The following NOS2 variants were observed in gnomAD, a reference collection of about 807,000 sequenced individuals.
NOS2 encodes the protein nitric oxide synthase, inducible.
Under a neutral mutation model 136.0 loss-of-function variants are expected in NOS2, and 96 were observed. The ratio of observed to expected loss-of-function variants is 0.71; its 90% CI spans 0.60 to 0.84. NOS2 has a LOEUF of 0.84. Among genes scored for constraint, NOS2 ranks in the 40% least tolerant of loss-of-function variants. NOS2 has a pLI of 0.00. For missense variants in NOS2, 1,237 were observed against 1,496.9 expected (o/e 0.83, Z 2.87); for synonymous variants, 539 against 587.5 (o/e 0.92, Z 1.20).
intron 7 of NOS2, 128 bp from the exon 8 acceptor site, chr17:27,781,305 G>T: frequency 9.3e-7 from 1 of 1,078,246 alleles, no homozygotes; most frequent in Non-Finnish European, 1.3e-6. Context: ...GACTGAGCCA[G>T]CCTCCTGACA....
At chr17:27,769,286 G>T (rs1343254698) in intron 16 of NOS2, 135 bp from the exon 17 acceptor site, 1 of 927,330 alleles carries the variant, frequency 1.1e-6, no homozygotes, top group African/African-American at 1.7e-5. Context: ...ACCCCCTTCT[G>T]GTCCTCTCCA....
At chr17:27,769,706 G>A in intron 15 of NOS2, 122 bp from the exon 16 acceptor site, 1 of 839,972 alleles carries the variant, frequency 1.2e-6, no homozygotes, top group East Asian at 2.5e-5. Context: ...CACGGAAGTT[G>A]GTTTACATAT....
chr17:27,793,563 G>C, intron 2 of NOS2: 1 of 397,348 alleles, frequency 2.5e-6, no homozygotes, highest in Non-Finnish European at 4.4e-6. Flanking sequence ...TTCCCTCCCA[G>C]GGCGGACTTC....
intron 2 of NOS2, among the ~76,000 whole-genome samples, chr17:27,797,026 C>A (rs1171586865): frequency 6.6e-6 from 1 of 152,208 alleles, no homozygotes; most frequent in African/African-American, 2.4e-5. Flanking sequence ...ATCTCCTACC[C>A]TGCATTCAAG....
At chr17:27,788,678 T>C (rs1909097275) in intron 4 of NOS2, 131 bp downstream of exon 4, 3 of 1,109,760 alleles carry the variant, frequency 2.7e-6, no homozygotes, top group Admixed American at 2.5e-5. Flanking sequence ...GGAATGTCTC[T>C]GTTCCTAGAC....
In NOS2 at chr17:27,764,063, G is replaced by T; in HGVS notation, c.2510C>A (p.Pro837His). Residue 837 changes from proline (P) to histidine (H), a missense_variant, in exon 21 of 27, where the codon CCC (proline) becomes CAC (histidine). By Grantham distance (77) the Pro-to-His change is moderately conservative. Around this residue, in one of 3 missense-constraint regions of NOS2, gnomAD observed 782 missense variants for 909.9 expected, o/e 0.86. Coordinates refer to ENST00000313735, the MANE Select transcript of NOS2 (RefSeq NM_000625.4). ...CTTTTGGAGCAGCAGCTGGGTTGGG[G>T]GTGTGGTGATGTCCAGGAAGTAGGT... ...ALTYFLDITT[P>H]PTQLLLQKLA... is the part of the protein sequence containing the mutation. The T allele has an allele frequency of 6.2e-7, 1 of 1,612,998 alleles. No individual in the cohort carries two copies. The highest frequency in any genetic ancestry group is 8.5e-7 in the Non-Finnish European group (1 of 1,179,510).
chr17:27,798,802 C>A lies in NOS2; in HGVS notation c.8G>T (p.Cys3Phe). 2 of 1,605,396 alleles carry A rather than the reference C, an allele frequency of 1.2e-6. No homozygotes were observed. Among genetic ancestry groups the A allele is most frequent in the Non-Finnish European group, 1.7e-6 (2 of 1,172,020 alleles). MA[C>F]PWKFLFKTKF... ...GGTCTTGAACAGAAATTTCCAAGGACAGGCCATCTCTATGGCTTTACAAAG... is the reference window on the plus strand; with the variant it reads ...GGTCTTGAACAGAAATTTCCAAGGAAAGGCCATCTCTATGGCTTTACAAAG... The change falls in exon 2 of 27, where the codon TGT becomes TTT. Residue 3 changes from cysteine (C) to phenylalanine (F), a missense_variant. Physicochemically the swap from Cys to Phe is radical, Grantham distance 205 (BLOSUM62 -2). Coordinates refer to ENST00000313735, the MANE Select transcript of NOS2 (RefSeq NM_000625.4).
intron 19 of NOS2, among the ~76,000 whole-genome samples, chr17:27,765,979 C>A (rs184241646): frequency 1.3e-5 from 2 of 152,332 alleles, no homozygotes; most frequent in East Asian, 3.9e-4. Context: ...TTGGCTACAG[C>A]CTCTGCCTAA....
rs377680960 is a variant in NOS2 at position 27,769,636 on chromosome 17, T to C, written c.1810-52A>G. 7 of 1,480,876 alleles carry C rather than the reference T, an allele frequency of 4.7e-6. No individual in the cohort carries two copies. The African/African-American group carries it at 9.7e-5, about 20-fold the overall frequency. The allele number at this position is 1,480,876 out of a possible 1,614,324, so 91.7% of individuals were successfully genotyped here. On this transcript the variant is annotated intron_variant, in intron 15 of 26. Coordinates refer to ENST00000313735, the MANE Select transcript of NOS2 (RefSeq NM_000625.4). ...CTCAAGCCAGGATGAATAAAAACAC[T>C]GTTTTTTCCTTTCTTCTGGAAACCT...
intron 17 of NOS2, among the ~76,000 whole-genome samples, 174 bp downstream of exon 17, chr17:27,768,803 G>A (rs1908394656): frequency 6.6e-6 from 1 of 152,214 alleles, no homozygotes; most frequent in South Asian, 2.1e-4. Context: ...GGGGGCTGAG[G>A]GAGAGCAGCA....
In NOS2 at chr17:27,781,022, G is replaced by A. The variant is rs1217720375; in HGVS notation, c.864+14C>T. The A allele has an allele frequency of 6.2e-7, 1 of 1,611,310 alleles. No individual in the cohort carries two copies. The highest frequency in any genetic ancestry group is 1.1e-5 in the South Asian group (1 of 90,824). On this transcript the variant is annotated intron_variant, in intron 8 of 26. Coordinates refer to ENST00000313735, the MANE Select transcript of NOS2 (RefSeq NM_000625.4). ...CCCGCCCCAATGGCCGGTGGCTGAG[G>A]CTGGGCCGGGTACCTGAGTGAATTC...
Position 27,765,734 on chromosome 17 carries a change from A to T in NOS2, c.2247-18T>A. The stretch of plus-strand genomic sequence containing the variant: ...TGGCACGGCTGGGGAAGGAAAATGA[A>T]GCCTCAGGTGACATTGCAGGATTTC... On this transcript the variant is annotated intron_variant, in intron 19 of 26. Transcript: ENST00000313735. 6.3e-7 allele frequency: 1 copy of T among 1,587,582 alleles called. No individual in the cohort carries two copies. Among genetic ancestry groups the T allele is most frequent in the South Asian group, 1.2e-5 (1 of 86,558 alleles).
chr17:27,760,548 TG>T (rs1336903103), intron 24 of NOS2, 74 bp downstream of exon 24: 1 of 1,542,782 alleles, frequency 6.5e-7, no homozygotes, highest in Admixed American at 2.0e-5. Context: ...GAACCGTTTG[TG>T]GGGCTGCAGT....
chr17:27,773,707 A>G (rs187114992), intron 12 of NOS2, among the ~76,000 whole-genome samples: 1 of 152,264 alleles, frequency 6.6e-6, no homozygotes, highest in Admixed American at 6.5e-5. Flanking sequence ...CTTAAAATCC[A>G]ACCCAAGTCC....
intron 16 of NOS2, among the ~76,000 whole-genome samples, 154 bp from the exon 17 acceptor site, chr17:27,769,305 C>T (rs1324041420): frequency 6.6e-6 from 1 of 152,134 alleles, no homozygotes; most frequent in Non-Finnish European, 1.5e-5. Flanking sequence ...CATCCCCCAG[C>T]CTTGTCACCA....
intron 22 of NOS2, 138 bp downstream of exon 22, chr17:27,762,660 C>T: frequency 1.5e-6 from 1 of 653,180 alleles, no homozygotes; most frequent in Non-Finnish European, 2.6e-6. Flanking sequence ...CCACACACCT[C>T]CTAATACTGT....
chr17:27,765,061 C>T (rs1359382989), intron 20 of NOS2, among the ~76,000 whole-genome samples: 1 of 152,230 alleles, frequency 6.6e-6, no homozygotes, highest in Non-Finnish European at 1.5e-5. Context: ...TCACTGCAAC[C>T]TCCACCTCCT....
chr17:27,760,566 C>G, intron 24 of NOS2, 57 bp downstream of exon 24: 3 of 1,550,178 alleles, frequency 1.9e-6, no homozygotes, highest in Non-Finnish European at 2.6e-6. Context: ...CAGTTCTGCT[C>G]CTAGGCAGGC....
chr17:27,771,400 G>A (rs1169295402), intron 14 of NOS2, among the ~76,000 whole-genome samples: 5 of 152,240 alleles, frequency 3.3e-5, no homozygotes, highest in African/African-American at 1.2e-4. Flanking sequence ...GAATGGCCGG[G>A]GAAATGTGCC....
Sources: allele counts gnomAD v4.1 joint callset (sites outside exome capture counted in the v4.1 genomes callset), GRCh38; gene constraint gnomAD v4.1.1; regional missense constraint gnomAD v4.1.1; transcripts MANE v1.5; gene names NCBI Gene and HGNC (gene_info 2026-07-23, HGNC 2026-07-21).